The following TBC1D13 variants were observed in gnomAD, a reference collection of about 807,000 sequenced individuals.
The protein encoded by TBC1D13 is TBC1 domain family member 13.
Under a neutral mutation model 53.6 loss-of-function variants are expected in TBC1D13, and 40 were observed. The observed-to-expected ratio is 0.75, with a 90% CI of 0.58 to 0.97. TBC1D13 has a LOEUF of 0.97. Ranked by LOEUF, TBC1D13 falls within the 50% of genes least tolerant of loss-of-function variation. The probability of loss-of-function intolerance (pLI) is 0.00; values close to 1 mark genes in which losing one functional copy is unlikely to be tolerated. For missense variants in TBC1D13, 377 were observed against 499.4 expected, an observed-to-expected ratio of 0.75 and a Z score of 2.34; for synonymous variants, 182 against 197.7, an observed-to-expected ratio of 0.92 and a Z score of 0.67.
chr9:128,804,545 T>C (rs1243125190), intron 9 of TBC1D13, among the ~76,000 whole-genome samples: 2 of 150,698 alleles, frequency 1.3e-5, no homozygotes, highest in East Asian at 3.9e-4. Flanking sequence ...CAGCTGGGAC[T>C]ACAGGCACCC....
chr9:128,787,353 C>G lies in TBC1D13; in HGVS notation c.-1C>G. The G allele has an allele frequency of 2.4e-6, 3 of 1,260,570 alleles. No homozygotes were observed. Among genetic ancestry groups the G allele is most frequent in the Non-Finnish European group, 3.0e-6 (3 of 995,580 alleles). The allele number at this position is 1,260,570 out of a possible 1,614,324, so 78.1% of individuals were successfully genotyped here. On this transcript the variant is annotated 5_prime_UTR_variant, in exon 1 of 12. Transcript: ENST00000372648. ...GGCTGGGGGGTCCGGAAGTCAACAC[C>G]ATGTCAAGTCTGCACAAGAGCCGGT...
rs1211031897 is a variant in TBC1D13 at position 128,791,714 on chromosome 9, G to A, written c.300+21G>A. The A allele has an allele frequency of 3.7e-6, 6 of 1,608,324 alleles. No homozygotes were observed. The East Asian group carries it at 1.3e-4, about 36-fold the overall frequency. On this transcript the variant is annotated intron_variant, in intron 5 of 11. Transcript: ENST00000372648. ...ACCATGTGAGTAGAGGTTGACAGCG[G>A]AGACCCAGGATACAGAATGTGGAGG... is the stretch of plus-strand genomic sequence containing the variant.
intron 2 of TBC1D13, among the ~76,000 whole-genome samples, chr9:128,789,297 CAA>C: frequency 9.9e-6 from 1 of 101,088 alleles, no homozygotes; most frequent in East Asian, 3.1e-4. Flanking sequence ...GCCTGGGCGA[CAA>C]GAGTGAAGCT....
intron 7 of TBC1D13, among the ~76,000 whole-genome samples, chr9:128,801,785 G>A (rs1162258330): frequency 3.4e-5 from 5 of 146,716 alleles, no homozygotes; most frequent in African/African-American, 5.1e-5. Flanking sequence ...TTTTTGAGAC[G>A]GAGTCTCGCA....
rs1280814705 is a variant in TBC1D13 at position 128,810,098 on chromosome 9, T to A, written c.*2219T>A. 1 of 152,250 alleles carries A rather than the reference T, an allele frequency of 6.6e-6. No individual in the cohort carries two copies. The highest frequency in any genetic ancestry group is 1.5e-5 in the Non-Finnish European group (1 of 68,074). The allele number at this position is 152,250 out of a possible 1,614,324, so 9.4% of individuals were successfully genotyped here. A position where few individuals can be genotyped will look rare whatever the true frequency, so the allele number is the denominator to read the frequency against. On this transcript the variant is annotated 3_prime_UTR_variant, in exon 12 of 12. Transcript: ENST00000372648. ...AAGTGCCCTCTCCTTGACCTTGAGA[T>A]GAAGGTCAAGAGCACAGGGACCAGG...
chr9:128,804,139 A>C lies in TBC1D13; in HGVS notation c.918+20A>C. The C allele has an allele frequency of 6.8e-6, 11 of 1,612,080 alleles. No individual in the cohort carries two copies. The highest frequency in any genetic ancestry group is 9.3e-6 in the Non-Finnish European group (11 of 1,178,906). On this transcript the variant is annotated intron_variant, in intron 9 of 11. Transcript: ENST00000372648. ...AAACTGGTGAGGACCCCAGGAACAG[A>C]CGGGTGGAAAGGGACAGGAGGCAGA...
At chr9:128,804,536 A>T (rs1180665893) in intron 9 of TBC1D13, among the ~76,000 whole-genome samples, 9 of 150,232 alleles carry the variant, frequency 6.0e-5, no homozygotes, top group Admixed American at 6.0e-4. Context: ...CCTCCCAAGC[A>T]GCTGGGACTA....
At chr9:128,805,199 A>G (rs1239991177) in intron 9 of TBC1D13, among the ~76,000 whole-genome samples, 6 of 152,136 alleles carry the variant, frequency 3.9e-5, no homozygotes, top group South Asian at 2.1e-4. Flanking sequence ...TTAGCCAGGC[A>G]TGGTGGCACA....
chr9:128,803,943 T>A lies in TBC1D13; in HGVS notation c.755-13T>A, dbSNP rs1433461273. On this transcript the variant is annotated splice_polypyrimidine_tract_variant and intron_variant, in intron 8 of 11. Coordinates refer to ENST00000372648, the MANE Select transcript of TBC1D13 (RefSeq NM_018201.5). The stretch of plus-strand genomic sequence containing the variant: ...GAGTGCGCCACTTCTGCCCCCATCC[T>A]GCTCTCTCCCAGAGCACGCCGAGGC... 6.2e-7 allele frequency: 1 copy of A among 1,612,162 alleles called. No homozygotes were observed. Among genetic ancestry groups the A allele is most frequent in the Admixed American group, 1.7e-5 (1 of 59,998 alleles).
At position 128,803,960 on chromosome 9, in the gene TBC1D13, C is replaced by G; in HGVS notation, c.759C>G (p.His253Gln). The G allele has an allele frequency of 6.2e-7, 1 of 1,612,722 alleles. No homozygotes were observed. Among genetic ancestry groups the G allele is most frequent in the Non-Finnish European group, 8.5e-7 (1 of 1,179,926 alleles). ...ATDPNSEWKE[H>Q]AEADTFFCFT... ...CCCCATCCTGCTCTCTCCCAGAGCA[C>G]GCCGAGGCAGACACCTTTTTCTGCT... Residue 253 changes from histidine to glutamine, a missense_variant, in exon 9 of 12, where the codon CAC becomes CAG. Transcript: ENST00000372648.
intron 9 of TBC1D13, among the ~76,000 whole-genome samples, chr9:128,805,372 C>A (rs1400730630): frequency 2.6e-5 from 4 of 152,082 alleles, no homozygotes; most frequent in African/African-American, 9.7e-5. Flanking sequence ...TTGTAGCATG[C>A]TTTTTCAGTT....
chr9:128,806,393 A>G (rs1829835227), intron 11 of TBC1D13, 82 bp downstream of exon 11: 1 of 1,515,456 alleles, frequency 6.6e-7, no homozygotes, highest in Non-Finnish European at 9.1e-7. Flanking sequence ...CTGCTGCGAC[A>G]GGCTGGGCAG....
At position 128,791,582 on chromosome 9, in the gene TBC1D13, T is replaced by C; in HGVS notation, c.201-12T>C. ...ACCGTTGGGAATCATCCTTCTCACTTGTCTCCTGCAGGGAGCTGTATGCCC... is the reference window on the plus strand; with the variant it reads ...ACCGTTGGGAATCATCCTTCTCACTCGTCTCCTGCAGGGAGCTGTATGCCC... On this transcript the variant is annotated splice_polypyrimidine_tract_variant and intron_variant, in intron 4 of 11. Transcript: ENST00000372648. 6.2e-7 allele frequency: 1 copy of C among 1,614,068 alleles called. No homozygotes were observed. The highest frequency in any genetic ancestry group is 1.1e-5 in the South Asian group (1 of 91,084).
Position 128,804,185 on chromosome 9 carries a change from C to T in TBC1D13, c.918+66C>T. 7.6e-6 allele frequency: 12 copies of T among 1,570,312 alleles called. No homozygotes were observed. In the South Asian group the frequency reaches 1.4e-4, roughly 18 times the overall value. On this transcript the variant is annotated intron_variant, in intron 9 of 11. Coordinates refer to ENST00000372648, the MANE Select transcript of TBC1D13 (RefSeq NM_018201.5). ...GCAGAGAGTTGCTGTGCCATCCCAG[C>T]CCAGGGCGAGGTCTCGCTTGAGTCT...
chr9:128,805,796 G>C, intron 9 of TBC1D13, 63 bp from the exon 10 acceptor site: 1 of 1,559,144 alleles, frequency 6.4e-7, no homozygotes, highest in Non-Finnish European at 8.7e-7. Context: ...CCCACTGCGT[G>C]GTGCTCCATG....
At position 128,792,712 on chromosome 9, in the gene TBC1D13, C is replaced by T. The variant is rs569630559; in HGVS notation, c.383+138C>T. On this transcript the variant is annotated intron_variant, in intron 6 of 11. Transcript: ENST00000372648. ...TGGTGGATTGTCCCAGCGGTTGGGTCCAGGCACTATTGATGATAGGCTGAG... is the reference window on the plus strand; with the variant it reads ...TGGTGGATTGTCCCAGCGGTTGGGTTCAGGCACTATTGATGATAGGCTGAG... The T allele has an allele frequency of 4.0e-6, 3 of 744,826 alleles. No individual in the cohort carries two copies. The African/African-American group carries it at 5.2e-5, about 13-fold the overall frequency. 46.1% of individuals were successfully genotyped at this position (744,826 alleles called of 1,614,324 possible).
intron 11 of TBC1D13, 152 bp downstream of exon 11, chr9:128,806,463 T>A: frequency 4.5e-6 from 4 of 894,910 alleles, no homozygotes; most frequent in Non-Finnish European, 6.9e-6. Flanking sequence ...GGTTTGGATC[T>A]GGGTTTGAAT....
At chr9:128,804,762 C>G (rs1472063874) in intron 9 of TBC1D13, among the ~76,000 whole-genome samples, 1 of 107,818 alleles carries the variant, frequency 9.3e-6, no homozygotes, top group Non-Finnish European at 1.8e-5. Context: ...GACTCTCTCT[C>G]TCAGAGGCCA....
chr9:128,796,780 T>C (rs1829638262), intron 6 of TBC1D13, among the ~76,000 whole-genome samples: 1 of 151,384 alleles, frequency 6.6e-6, no homozygotes, highest in Non-Finnish European at 1.5e-5. Flanking sequence ...TCTAAAAAAA[T>C]AAAAAATTAG....
Sources: allele counts gnomAD v4.1 joint callset (sites outside exome capture counted in the v4.1 genomes callset), GRCh38; gene constraint gnomAD v4.1.1; transcripts MANE v1.5; gene names NCBI Gene and HGNC (gene_info 2026-07-23, HGNC 2026-07-21).